GPR35: variants seen among roughly 807,000 people sequenced by gnomAD.
GPR35 encodes the protein G protein-coupled receptor 35.
For synonymous variants in GPR35, 207 were observed against 198.4 expected, an observed-to-expected ratio of 1.04 and a Z score of -0.36; for missense variants, 372 against 422.5, an observed-to-expected ratio of 0.88 and a Z score of 1.05.
intron 2 of GPR35, among the ~76,000 whole-genome samples, chr2:240,610,071 T>C (rs1455353559): frequency 6.6e-6 from 1 of 152,096 alleles, no homozygotes; most frequent in Non-Finnish European, 1.5e-5. Context: ...GTGATTCTCC[T>C]GCCTCAGCCT....
intron 2 of GPR35, among the ~76,000 whole-genome samples, chr2:240,610,041 C>G (rs1439158513): frequency 6.6e-6 from 1 of 151,736 alleles, no homozygotes; most frequent in Non-Finnish European, 1.5e-5. Context: ...CTCACTGCAA[C>G]CTCCGCCTCC....
rs576249919 is a variant in GPR35 at position 240,615,434 on chromosome 2, C to T, written c.-576-954C>T. On this transcript the variant is annotated intron_variant, in intron 2 of 5. Coordinates refer to the GPR35 transcript ENST00000319838. ...AGGAGAAGGCCACAACACACTCCCACGTTTTCTACAGACTAGCAGTGGGGT... is the reference window on the plus strand; with the variant it reads ...AGGAGAAGGCCACAACACACTCCCATGTTTTCTACAGACTAGCAGTGGGGT... Among the ~76,000 whole-genome samples the T allele has an allele frequency of 1.6e-4, 24 of 152,340 alleles. No homozygotes were observed. In the South Asian group the frequency reaches 4.3e-3, roughly 28 times the overall value.
In GPR35 at chr2:240,630,783, C is replaced by A; in HGVS notation, c.831C>A (p.Tyr277Ter). 6.2e-7 allele frequency: 1 copy of A among 1,613,566 alleles called. No homozygotes were observed. Reference sequence around the variant, plus strand: ...GCTGCCTGGACGCCATCTGCTACTACTACATGGCCAAGGAGTTCCAGGAGG... The same window carrying A: ...GCTGCCTGGACGCCATCTGCTACTAATACATGGCCAAGGAGTTCCAGGAGG... ...ANCCLDAICY[Y>*]YMAKEFQEAS... is the part of the protein sequence containing the mutation. Residue 277 changes from tyrosine (Y) to a stop codon, truncating the protein, a stop_gained, in exon 2 of 2, where the codon TAC (tyrosine) becomes TAA (stop). Transcript: ENST00000407714. LOFTEE classifies it low-confidence loss of function (END_TRUNC).
chr2:240,610,143 A>T (rs896976366), intron 2 of GPR35, among the ~76,000 whole-genome samples: 1 of 152,014 alleles, frequency 6.6e-6, no homozygotes, highest in Admixed American at 6.5e-5. Context: ...TATTTTTAGT[A>T]GAGACGGGGT....
chr2:240,617,111 G>C lies in GPR35; in HGVS notation c.-431G>C. ...ACAGCCACCTGGGGGAGCTGGAAGTGAATCTCCTCGTAGCTGAGCCTTCTG... is the reference window on the plus strand; with the variant it reads ...ACAGCCACCTGGGGGAGCTGGAAGTCAATCTCCTCGTAGCTGAGCCTTCTG... On this transcript the variant is annotated 5_prime_UTR_variant, in exon 4 of 6. Coordinates refer to the GPR35 transcript ENST00000319838. 6 of 673,836 alleles carry C rather than the reference G, an allele frequency of 8.9e-6. No individual in the cohort carries two copies. The South Asian group carries it at 9.9e-5, about 11-fold the overall frequency. 41.7% of individuals were successfully genotyped at this position (673,836 alleles called of 1,614,324 possible).
rs2043433985 is a variant in GPR35 at position 240,630,634 on chromosome 2, G to C, written c.682G>C (p.Val228Leu). The change falls in exon 2 of 2, where the codon GTC (valine) becomes CTC (leucine). Residue 228 changes from valine to leucine, a missense_variant. Val to Leu is a conservative substitution (Grantham distance 32, BLOSUM62 1). Transcript: ENST00000407714. ...MVWANLLVFV[V>L]CFLPLHVGLT... ...CTGGGCCAACCTCCTGGTGTTCGTG[G>C]TCTGCTTCCTGCCCCTGCACGTGGG... The C allele has an allele frequency of 6.2e-7, 1 of 1,612,820 alleles. No individual in the cohort carries two copies. Among genetic ancestry groups the C allele is most frequent in the Admixed American group, 1.7e-5 (1 of 60,004 alleles).
chr2:240,609,269 T>C (rs1424383903), intron 2 of GPR35, among the ~76,000 whole-genome samples: 1 of 152,188 alleles, frequency 6.6e-6, no homozygotes, highest in Non-Finnish European at 1.5e-5. Context: ...TTCTTGGTGT[T>C]GTTGTTTTCT....
Sources: gnomAD v4.1 joint callset for allele counts (sites outside exome capture counted in the v4.1 genomes callset) on GRCh38, gnomAD v4.1.1 for gene constraint, MANE v1.5 for transcripts, NCBI Gene and HGNC (gene_info 2026-07-23, HGNC 2026-07-21) for gene names.